Variants in UST observed in about 807,000 individuals in gnomAD.
The protein encoded by UST is chondroitin sulfate 2-O-sulfotransferase.
UST carries 21 observed loss-of-function variants against 45.6 expected under a neutral mutation model. The observed-to-expected ratio is 0.46, with a 90% confidence interval of 0.33 to 0.66. The LOEUF (loss-of-function observed/expected upper bound fraction) is 0.66, where lower values mean the gene tolerates loss of function less well. UST is among the 30% of genes least tolerant of loss of function. The probability of loss-of-function intolerance (pLI) is 0.02; values close to 1 mark genes in which losing one functional copy is unlikely to be tolerated. For synonymous variants in UST, 215 were observed against 200.6 expected, an observed-to-expected ratio of 1.07 and a Z score of -0.61; for missense variants, 463 against 512.4, an observed-to-expected ratio of 0.90 and a Z score of 0.93.
chr6:148,786,435 A>G (rs1776737271), intron 1 of UST, among the ~76,000 whole-genome samples: 1 of 151,926 alleles, frequency 6.6e-6, no homozygotes. Flanking sequence ...TCCTCCCCAT[A>G]TATCGATGTG....
intron 1 of UST, among the ~76,000 whole-genome samples, chr6:148,819,190 A>ACC (rs1334302813): frequency 6.6e-6 from 1 of 152,226 alleles, no homozygotes; most frequent in African/African-American, 2.4e-5. Flanking sequence ...AGCCTGAAAA[A>ACC]TAGTCTGAAT....
intron 1 of UST, among the ~76,000 whole-genome samples, chr6:148,807,973 C>T (rs1249514088): frequency 6.6e-6 from 1 of 152,124 alleles, no homozygotes; most frequent in Non-Finnish European, 1.5e-5. Flanking sequence ...AACTTTGAGC[C>T]CTGGTCAATG....
At chr6:149,045,441 A>G (rs1776383094) in intron 7 of UST, among the ~76,000 whole-genome samples, 1 of 152,198 alleles carries the variant, frequency 6.6e-6, no homozygotes, top group South Asian at 2.1e-4. Context: ...TTTGTCATGA[A>G]AAGTAAGGGC....
intron 1 of UST, among the ~76,000 whole-genome samples, chr6:148,810,396 G>A (rs1777233149): frequency 6.6e-6 from 1 of 152,176 alleles, no homozygotes; most frequent in Non-Finnish European, 1.5e-5. Context: ...CTGAATTGAT[G>A]TAAATAGTAT....
chr6:149,043,496 A>G (rs1443355462), intron 7 of UST, among the ~76,000 whole-genome samples: 1 of 152,244 alleles, frequency 6.6e-6, no homozygotes, highest in Non-Finnish European at 1.5e-5. Flanking sequence ...AGGCATCCGC[A>G]TCCCCTAGAA....
intron 7 of UST, among the ~76,000 whole-genome samples, chr6:149,032,265 G>C (rs927212321): frequency 2.0e-5 from 3 of 152,014 alleles, no homozygotes; most frequent in Non-Finnish European, 1.5e-5. Context: ...CAAGCTCCCT[G>C]GCTTCCTAAC....
chr6:148,888,137 C>A (rs1778944620), intron 2 of UST, among the ~76,000 whole-genome samples: 1 of 152,108 alleles, frequency 6.6e-6, no homozygotes, highest in East Asian at 1.9e-4. Context: ...AGGAAACTTT[C>A]AATCATGGTG....
At chr6:148,950,610 G>T (rs1053581974) in intron 3 of UST, among the ~76,000 whole-genome samples, 1 of 152,074 alleles carries the variant, frequency 6.6e-6, no homozygotes. Context: ...CCTTGGTGCC[G>T]TATCATTTTA....
intron 1 of UST, among the ~76,000 whole-genome samples, chr6:148,845,776 T>C (rs1178950594): frequency 6.6e-6 from 1 of 152,224 alleles, no homozygotes; most frequent in African/African-American, 2.4e-5. Flanking sequence ...TCTTTCCCAA[T>C]ATTTAAAAAG....
intron 1 of UST, among the ~76,000 whole-genome samples, chr6:148,809,851 CT>C (rs571102675): frequency 6.6e-6 from 1 of 152,162 alleles, no homozygotes; most frequent in Admixed American, 6.5e-5. Context: ...TTGTCTTAAT[CT>C]TTTTTTTAAA....
chr6:148,924,233 T>C (rs1385261940), intron 2 of UST, among the ~76,000 whole-genome samples: 1 of 152,184 alleles, frequency 6.6e-6, no homozygotes, highest in African/African-American at 2.4e-5. Context: ...ACAAAGAATA[T>C]GTGACCTAAG....
intron 7 of UST, among the ~76,000 whole-genome samples, chr6:149,054,679 G>C (rs762375636): frequency 3.2e-4 from 49 of 152,118 alleles, no homozygotes; most frequent in Non-Finnish European, 7.3e-5. Flanking sequence ...ACCAGAAAAA[G>C]GCTTGAAATT....
chr6:148,822,452 A>C (rs1285348708), intron 1 of UST, among the ~76,000 whole-genome samples: 1 of 152,192 alleles, frequency 6.6e-6, no homozygotes, highest in Non-Finnish European at 1.5e-5. Context: ...CCCTGACCCC[A>C]AAAAGACGTG....
At chr6:148,787,531 C>G (rs374811489) in intron 1 of UST, among the ~76,000 whole-genome samples, 1 of 152,116 alleles carries the variant, frequency 6.6e-6, no homozygotes, top group Non-Finnish European at 1.5e-5. Context: ...GTTCTCTATT[C>G]TGTTCCATAG....
At chr6:148,816,206 T>A (rs1008499403) in intron 1 of UST, among the ~76,000 whole-genome samples, 2 of 152,186 alleles carry the variant, frequency 1.3e-5, no homozygotes, top group African/African-American at 2.4e-5. Flanking sequence ...AAACCAATGT[T>A]TTGTAATGCA....
At chr6:148,940,371 G>C (rs1455497503) in intron 2 of UST, among the ~76,000 whole-genome samples, 1 of 151,962 alleles carries the variant, frequency 6.6e-6, no homozygotes, top group Non-Finnish European at 1.5e-5. Context: ...GTGTGTGCCT[G>C]TAGTCCCAGC....
intron 7 of UST, among the ~76,000 whole-genome samples, chr6:149,031,685 T>C (rs1776145569): frequency 6.6e-6 from 1 of 152,220 alleles, no homozygotes; most frequent in South Asian, 2.1e-4. Flanking sequence ...ATTTCTCTTC[T>C]CTGAAAACTA....
chr6:149,059,359 A>AG (rs1041465900), intron 7 of UST, among the ~76,000 whole-genome samples: 6 of 152,230 alleles, frequency 3.9e-5, no homozygotes, highest in African/African-American at 1.4e-4. Flanking sequence ...TTGCACATTA[A>AG]GTTTGTCCGG....
chr6:149,031,026 G>T (rs1269078474), intron 7 of UST, among the ~76,000 whole-genome samples: 1 of 152,034 alleles, frequency 6.6e-6, no homozygotes, highest in East Asian at 1.9e-4. Context: ...GGCCAACATG[G>T]TGAAACCCCA....
Sources: allele counts gnomAD v4.1 joint callset (sites outside exome capture counted in the v4.1 genomes callset), GRCh38; gene constraint gnomAD v4.1.1; transcripts MANE v1.5; gene names NCBI Gene and HGNC (gene_info 2026-07-23, HGNC 2026-07-21).